The following CDK12 variants were observed in gnomAD, a reference collection of about 807,000 sequenced individuals.
CDK12 encodes the protein cyclin-dependent kinase 12.
A neutral mutation model predicts 133.8 loss-of-function variants in CDK12; 17 were observed. That is an observed-to-expected ratio of 0.13 (90% CI 0.09 to 0.19). CDK12 has a LOEUF of 0.19. CDK12 is among the 10% of genes least tolerant of loss of function. The pLI is 1.00. For synonymous variants in CDK12, 694 were observed against 683.6 expected (o/e 1.02, Z -0.24); for missense variants, 1,508 against 1,818.7 (o/e 0.83, Z 3.11).
intron 4 of CDK12, among the ~76,000 whole-genome samples, chr17:39,494,274 C>T (rs762069951): frequency 7.9e-5 from 12 of 152,064 alleles, no homozygotes; most frequent in Non-Finnish European, 1.6e-4. Context: ...GGTTTCACCA[C>T]GTTGGCTAGG....
At chr17:39,503,989 G>A (rs1363715814) in intron 6 of CDK12, among the ~76,000 whole-genome samples, 2 of 152,278 alleles carry the variant, frequency 1.3e-5, no homozygotes, top group African/African-American at 4.8e-5. Flanking sequence ...TAAGAACTTC[G>A]TAATAAATGG....
chr17:39,510,413 C>T (rs998783224), intron 7 of CDK12, among the ~76,000 whole-genome samples: 6 of 152,112 alleles, frequency 3.9e-5, no homozygotes, highest in Admixed American at 6.6e-5. Flanking sequence ...GCCACCACTG[C>T]GTCCGGCCAA....
intron 6 of CDK12, among the ~76,000 whole-genome samples, chr17:39,503,550 A>T (rs2052882275): frequency 6.6e-6 from 1 of 152,026 alleles, no homozygotes. Flanking sequence ...CCATGAGGAG[A>T]TGTCTCAAAG....
chr17:39,471,253 A>T lies in CDK12; in HGVS notation c.1421A>T (p.Asn474Ile). 6.2e-7 allele frequency: 1 copy of T among 1,609,698 alleles called. No homozygotes were observed. The highest frequency in any genetic ancestry group is 8.5e-7 in the Non-Finnish European group (1 of 1,178,872). The change falls in exon 2 of 14, where the codon AAT (asparagine) becomes ATT (isoleucine). Residue 474 changes from asparagine to isoleucine, a missense_variant. Asn to Ile is a moderately radical substitution (Grantham distance 149). This residue lies in a region of CDK12 where 347 missense variants were observed against 330.8 expected (regional missense o/e 1.05). Transcript: ENST00000447079. ...ACACATCTAAACACAGAGGTAAAAA[A>T]TTCTTCAGATACAGGGAAAGTAAAG... ...NVTHLNTEVKNSSDTGKVKLD... is the reference protein window; with the variant it reads ...NVTHLNTEVKISSDTGKVKLD...
intron 5 of CDK12, among the ~76,000 whole-genome samples, chr17:39,499,470 A>G (rs2052555013): frequency 6.8e-6 from 1 of 148,050 alleles, no homozygotes; most frequent in Non-Finnish European, 1.5e-5. Flanking sequence ...TGGCCTCCCA[A>G]AGTGCTGGGA....
intron 5 of CDK12, among the ~76,000 whole-genome samples, chr17:39,498,756 C>G (rs1208777944): frequency 3.3e-5 from 5 of 151,970 alleles, no homozygotes; most frequent in Non-Finnish European, 7.4e-5. Context: ...GTTTCCAAAG[C>G]TCAGGCAATC....
intron 4 of CDK12, among the ~76,000 whole-genome samples, chr17:39,494,158 C>G (rs578236232): frequency 6.6e-6 from 1 of 152,278 alleles, no homozygotes; most frequent in African/African-American, 2.4e-5. Flanking sequence ...ACCGCAACCT[C>G]TGCCTCCCGG....
chr17:39,504,879 C>CAA (rs141083545), intron 6 of CDK12, among the ~76,000 whole-genome samples: 1,492 of 42,478 alleles, frequency 0.035, 173 homozygotes, highest in African/African-American at 0.093. Context: ...GACCCTGTCT[C>CAA]AAAAAAAAAA....
chr17:39,530,874 C>A lies in CDK12; in HGVS notation c.4031C>A (p.Pro1344His). Residue 1344 changes from proline (P) to histidine (H), a missense_variant, in exon 14 of 14, where the codon CCT becomes CAT. This residue lies in a region of CDK12 where 399 missense variants were observed against 469.6 expected (regional missense o/e 0.85). Coordinates refer to ENST00000447079, the MANE Select transcript of CDK12 (RefSeq NM_016507.4). The part of the protein sequence containing the change: ...PNRTYGNTDG[P>H]ETGFSAIDTD... ...AGGACTTATGGAAACACTGATGGGC[C>A]TGAAACAGGGTTCAGTGCCATTGAC... 6.2e-7 allele frequency: 1 copy of A among 1,614,196 alleles called. No homozygotes were observed. Among genetic ancestry groups the A allele is most frequent in the South Asian group, 1.1e-5 (1 of 91,084 alleles).
chr17:39,556,255 TGA>T (rs1370003137), intron 2 of CDK12: 2 of 152,510 alleles, frequency 1.3e-5, no homozygotes, highest in African/African-American at 4.8e-5. Context: ...AGCTCCCAAC[TGA>T]GAGCTATCCC....
At chr17:39,478,500 A>G (rs763088562) in intron 2 of CDK12, among the ~76,000 whole-genome samples, 3 of 151,918 alleles carry the variant, frequency 2.0e-5, no homozygotes, top group Non-Finnish European at 4.4e-5. Context: ...AGCCCTGGCC[A>G]TGATTATTAT....
rs190625680 is a variant in CDK12 at position 39,532,163 on chromosome 17, G to A, written c.*847G>A. 1.6e-5 allele frequency: 3 copies of A among 189,926 alleles called. No individual in the cohort carries two copies. In the East Asian group the frequency reaches 1.9e-4, roughly 12 times the overall value. 11.8% of individuals were successfully genotyped at this position (189,926 alleles called of 1,614,324 possible). A position where few individuals can be genotyped will look rare whatever the true frequency, so the allele number is the denominator to read the frequency against. ...CTCTCTGTCTCGCTTGCTCGCTCTC[G>A]CTGTTTCTCTCTCTTTGAGGCATTT... On this transcript the variant is annotated 3_prime_UTR_variant, in exon 14 of 14. Coordinates refer to ENST00000447079, the MANE Select transcript of CDK12 (RefSeq NM_016507.4).
chr17:39,558,527 T>C (rs1225615823), intron 3 of CDK12, among the ~76,000 whole-genome samples: 1 of 152,264 alleles, frequency 6.6e-6, no homozygotes, highest in Non-Finnish European at 1.5e-5. Flanking sequence ...TTTCATCCCC[T>C]GGATATGCTG....
At position 39,490,541 on chromosome 17, in the gene CDK12, C is replaced by T. The variant is rs2051508331; in HGVS notation, c.1932-16C>T. 6.4e-7 allele frequency: 1 copy of T among 1,562,558 alleles called. No homozygotes were observed. The highest frequency in any genetic ancestry group is 8.7e-7 in the Non-Finnish European group (1 of 1,150,528). On this transcript the variant is annotated splice_polypyrimidine_tract_variant and intron_variant, in intron 2 of 13. Transcript: ENST00000447079. ...TTTAATTGTAATTTTGTCATCTCTTCTCATTTATTGTTTAGTCCAAAAGAA... is the reference window on the plus strand; with the variant it reads ...TTTAATTGTAATTTTGTCATCTCTTTTCATTTATTGTTTAGTCCAAAAGAA...
intron 5 of CDK12, among the ~76,000 whole-genome samples, chr17:39,497,054 T>C (rs2052182536): frequency 6.6e-6 from 1 of 151,598 alleles, no homozygotes; most frequent in Admixed American, 6.6e-5. Flanking sequence ...CCTCAGCCTT[T>C]GGAGTAGCTG....
At position 39,501,512 on chromosome 17, in the gene CDK12, T is replaced by C. The variant is rs1398822035; in HGVS notation, c.2609+73T>C. On this transcript the variant is annotated intron_variant, in intron 6 of 13. Transcript: ENST00000447079. Reference sequence around the variant, plus strand: ...ACCTTTTTAGTTTCAAATGGTTAATTGGTATTATAATTAGACCTAATAGTG... The same window carrying C: ...ACCTTTTTAGTTTCAAATGGTTAATCGGTATTATAATTAGACCTAATAGTG... The C allele has an allele frequency of 5.9e-6, 6 of 1,024,366 alleles. No homozygotes were observed. The African/African-American group carries it at 9.7e-5, about 17-fold the overall frequency. 63.5% of individuals were successfully genotyped at this position (1,024,366 alleles called of 1,614,324 possible).
intron 1 of CDK12, among the ~76,000 whole-genome samples, chr17:39,464,374 C>T (rs35497503): frequency 0.63 from 95,120 of 150,988 alleles, 32,694 homozygotes; most frequent in South Asian, 0.89. Context: ...GTTCATGCCA[C>T]CATGCCTGGC....
chr17:39,463,243 A>G (rs1318979333), intron 1 of CDK12, 126 bp downstream of exon 1: 1 of 802,024 alleles, frequency 1.2e-6, no homozygotes, highest in East Asian at 2.6e-5. Context: ...GCTGTTGGCT[A>G]GTCATTCCAG....
intron 2 of CDK12, among the ~76,000 whole-genome samples, chr17:39,489,266 C>T (rs2051385814): frequency 6.6e-6 from 1 of 151,644 alleles, no homozygotes; most frequent in African/African-American, 2.4e-5. Context: ...GATGGGGTTT[C>T]ACTGTATTGC....
Sources: allele counts gnomAD v4.1 joint callset (sites outside exome capture counted in the v4.1 genomes callset), GRCh38; gene constraint gnomAD v4.1.1; regional missense constraint gnomAD v4.1.1; transcripts MANE v1.5; gene names NCBI Gene and HGNC (gene_info 2026-07-23, HGNC 2026-07-21).